PALLD: variants seen among roughly 807,000 people sequenced by gnomAD.
The protein encoded by PALLD is palladin.
A neutral mutation model predicts 123.5 loss-of-function variants in PALLD; 61 were observed. The observed-to-expected ratio is 0.49, with a 90% CI of 0.40 to 0.61. The LOEUF is 0.61. PALLD is among the 20% of genes least tolerant of loss of function. PALLD has a pLI of 0.00. For missense variants in PALLD, 1,273 were observed against 1,377.0 expected, an observed-to-expected ratio of 0.92 and a Z score of 1.20; for synonymous variants, 465 against 496.4, an observed-to-expected ratio of 0.94 and a Z score of 0.84.
intron 1 of PALLD, among the ~76,000 whole-genome samples, chr4:168,500,622 T>C (rs1162880461): frequency 1.3e-5 from 2 of 152,110 alleles, no homozygotes; most frequent in Non-Finnish European, 2.9e-5. Context: ...GCGATCTTCC[T>C]GCCTCAGCCT....
intron 17 of PALLD, among the ~76,000 whole-genome samples, chr4:168,917,789 CTG>C (rs1157546349): frequency 2.0e-5 from 3 of 151,996 alleles, no homozygotes; most frequent in South Asian, 2.1e-4. Flanking sequence ...GTGTTTCAGT[CTG>C]TATATATTTT....
chr4:168,770,258 A>G (rs1734211492), intron 10 of PALLD, among the ~76,000 whole-genome samples: 1 of 152,210 alleles, frequency 6.6e-6, no homozygotes, highest in South Asian at 2.1e-4. Context: ...ATTTGCTAGC[A>G]CTTTAAATGT....
chr4:168,744,138 C>A (rs1788628332), intron 10 of PALLD, among the ~76,000 whole-genome samples: 1 of 152,282 alleles, frequency 6.6e-6, no homozygotes, highest in East Asian at 1.9e-4. Context: ...GCAGTCACTT[C>A]AGTCATAGGA....
At chr4:168,685,678 A>G (rs1781958382) in intron 6 of PALLD, 119 bp downstream of exon 6, 5 of 776,408 alleles carry the variant, frequency 6.4e-6, no homozygotes, top group East Asian at 2.4e-5. Context: ...GCTGATTACC[A>G]TGGTTACCTT....
chr4:168,664,929 C>G (rs1019742753), intron 2 of PALLD, among the ~76,000 whole-genome samples: 1 of 152,172 alleles, frequency 6.6e-6, no homozygotes, highest in Non-Finnish European at 1.5e-5. Context: ...AGCAAAGAGG[C>G]TCAACTGTGA....
At chr4:168,594,738 TG>T (rs1188321364) in intron 2 of PALLD, among the ~76,000 whole-genome samples, 1 of 152,188 alleles carries the variant, frequency 6.6e-6, no homozygotes, top group Non-Finnish European at 1.5e-5. Flanking sequence ...ATTAGGCTCC[TG>T]AAGTCTGCCA....
At chr4:168,679,472 G>C (rs2150075511) in intron 3 of PALLD, among the ~76,000 whole-genome samples, 1 of 121,048 alleles carries the variant, frequency 8.3e-6, no homozygotes, top group South Asian at 2.7e-4. Context: ...GGACGTGTGT[G>C]GGGGGGTGTG....
chr4:168,504,188 A>G (rs4692943), intron 1 of PALLD, among the ~76,000 whole-genome samples: 71,725 of 152,072 alleles, frequency 0.47, 17,616 homozygotes, highest in East Asian at 0.65. Flanking sequence ...TTACTATTCC[A>G]GGAAAGGGAA....
chr4:168,742,068 G>A (rs922696925), intron 10 of PALLD, among the ~76,000 whole-genome samples: 1 of 152,188 alleles, frequency 6.6e-6, no homozygotes, highest in African/African-American at 2.4e-5. Context: ...CTGTGCTCTT[G>A]CTGCCCAGCA....
intron 1 of PALLD, among the ~76,000 whole-genome samples, chr4:168,501,656 G>A (rs995134977): frequency 6.6e-6 from 1 of 152,022 alleles, no homozygotes; most frequent in African/African-American, 2.4e-5. Flanking sequence ...GGCACATGTT[G>A]AAATTCACCT....
chr4:168,699,398 C>A (rs374795078), intron 8 of PALLD, among the ~76,000 whole-genome samples: 3 of 152,208 alleles, frequency 2.0e-5, no homozygotes, highest in Non-Finnish European at 4.4e-5. Context: ...AATATTGATA[C>A]AAGCATTACA....
intron 10 of PALLD, among the ~76,000 whole-genome samples, chr4:168,803,029 T>C (rs1739581547): frequency 6.6e-6 from 1 of 152,216 alleles, no homozygotes. Flanking sequence ...CAAACAATAA[T>C]AGGTGAATAG....
chr4:168,760,526 T>C (rs745635678), intron 10 of PALLD, among the ~76,000 whole-genome samples: 5 of 152,176 alleles, frequency 3.3e-5, no homozygotes, highest in African/African-American at 9.7e-5. Context: ...AGTAGGGGCG[T>C]ACCGGGTGCC....
intron 10 of PALLD, among the ~76,000 whole-genome samples, chr4:168,762,292 A>G (rs1733053811): frequency 1.3e-5 from 2 of 152,062 alleles, no homozygotes; most frequent in Admixed American, 1.3e-4. Context: ...GGCCATCATA[A>G]TGGAACCCCA....
At chr4:168,734,024 C>T (rs1787475517) in intron 10 of PALLD, among the ~76,000 whole-genome samples, 1 of 152,196 alleles carries the variant, frequency 6.6e-6, no homozygotes, top group Non-Finnish European at 1.5e-5. Flanking sequence ...CGTTGAGCCA[C>T]CACGCCCGGC....
intron 10 of PALLD, among the ~76,000 whole-genome samples, chr4:168,788,761 A>G (rs1172409671): frequency 2.0e-5 from 3 of 152,170 alleles, no homozygotes; most frequent in Non-Finnish European, 4.4e-5. Context: ...TTTAGCTCAT[A>G]TTGCTGTGAA....
rs1199349929 is a variant in PALLD at position 168,613,953 on chromosome 4, C to A, written c.909-54237C>A. On this transcript the variant is annotated intron_variant, in intron 2 of 21. Coordinates refer to ENST00000505667, the MANE Select transcript of PALLD (RefSeq NM_001166108.2). ...GCTCCACATCCTGCTGCCCTCCAGACCTAATAGTGTTATTCTTCTGGTTTG... is the reference window on the plus strand; with the variant it reads ...GCTCCACATCCTGCTGCCCTCCAGAACTAATAGTGTTATTCTTCTGGTTTG... Among the ~76,000 whole-genome samples the A allele has an allele frequency of 2.0e-5, 3 of 152,186 alleles. No homozygotes were observed. The East Asian group carries it at 5.8e-4, about 29-fold the overall frequency.
intron 10 of PALLD, among the ~76,000 whole-genome samples, chr4:168,884,206 A>G (rs1367471591): frequency 6.6e-6 from 1 of 152,198 alleles, no homozygotes; most frequent in Non-Finnish European, 1.5e-5. Flanking sequence ...CTCACCTTGC[A>G]TGCTACCCCT....
chr4:168,675,367 G>A (rs1364681209), intron 3 of PALLD, among the ~76,000 whole-genome samples: 1 of 152,180 alleles, frequency 6.6e-6, no homozygotes, highest in Non-Finnish European at 1.5e-5. Context: ...TAAAATGTGT[G>A]CCCCTTTGAA....
Sources: allele counts gnomAD v4.1 joint callset (sites outside exome capture counted in the v4.1 genomes callset), GRCh38; gene constraint gnomAD v4.1.1; transcripts MANE v1.5; gene names NCBI Gene and HGNC (gene_info 2026-07-23, HGNC 2026-07-21).